FBXL17: variants seen among roughly 807,000 people sequenced by gnomAD.
FBXL17 encodes F-box and leucine rich repeat protein 17, also known as F-box/LRR-repeat protein 17.
In FBXL17, 22 loss-of-function variants were observed where a neutral mutation model predicts 66.2. That is an observed-to-expected ratio of 0.33 (90% confidence interval 0.24 to 0.47). FBXL17 has a LOEUF of 0.47. FBXL17 is among the 20% of genes least tolerant of loss of function. The pLI, the probability that FBXL17 is intolerant of heterozygous loss-of-function variation, is 1.00. For missense variants in FBXL17, 878 were observed against 948.2 expected (o/e 0.93, Z 0.97); for synonymous variants, 474 against 400.5 (o/e 1.18, Z -2.19).
intron 4 of FBXL17, among the ~76,000 whole-genome samples, chr5:108,303,393 C>CACACACAT (rs1758684427): frequency 6.7e-6 from 1 of 149,208 alleles, no homozygotes; most frequent in Non-Finnish European, 1.5e-5. Context: ...CACACACACA[C>CACACACAT]ACATACCCAC....
chr5:107,948,595 T>A (rs766525469), intron 7 of FBXL17, among the ~76,000 whole-genome samples: 1 of 152,198 alleles, frequency 6.6e-6, no homozygotes, highest in Non-Finnish European at 1.5e-5. Context: ...TCTTTTCAAA[T>A]CCATAAACCT....
chr5:108,121,486 G>T (rs1409008151), intron 6 of FBXL17, among the ~76,000 whole-genome samples: 1 of 152,094 alleles, frequency 6.6e-6, no homozygotes, highest in Non-Finnish European at 1.5e-5. Context: ...ATGAGTCCAT[G>T]CATATTTTAA....
At chr5:108,019,929 G>GCA (rs1216190071) in intron 7 of FBXL17, among the ~76,000 whole-genome samples, 6 of 143,254 alleles carry the variant, frequency 4.2e-5, no homozygotes, top group Non-Finnish European at 9.3e-5. Context: ...GTTTCTAAAT[G>GCA]TAAAAAAAAA....
intron 4 of FBXL17, among the ~76,000 whole-genome samples, chr5:108,256,105 G>GT (rs1756566729): frequency 1.3e-5 from 2 of 152,266 alleles, no homozygotes; most frequent in South Asian, 4.1e-4. Context: ...CTCCTGGCAG[G>GT]TATTACATAG....
intron 7 of FBXL17, among the ~76,000 whole-genome samples, chr5:107,922,979 C>A (rs1332496485): frequency 6.6e-6 from 1 of 152,186 alleles, no homozygotes; most frequent in Admixed American, 6.5e-5. Context: ...GTGCCTAAAG[C>A]ACTTCCTACC....
chr5:108,322,242 T>C (rs1488597938), intron 4 of FBXL17, among the ~76,000 whole-genome samples: 1 of 151,912 alleles, frequency 6.6e-6, no homozygotes, highest in East Asian at 1.9e-4. Context: ...TATTTATAAA[T>C]GACATAATTT....
At chr5:108,186,830 C>G (rs1162841159) in intron 5 of FBXL17, among the ~76,000 whole-genome samples, 1 of 151,400 alleles carries the variant, frequency 6.6e-6, no homozygotes, top group East Asian at 1.9e-4. Context: ...ATCAAGTTAG[C>G]AATCTATTGT....
chr5:108,346,085 T>A (rs1747260635), intron 4 of FBXL17, among the ~76,000 whole-genome samples: 1 of 152,136 alleles, frequency 6.6e-6, no homozygotes, highest in African/African-American at 2.4e-5. Context: ...GGTGTCAAAG[T>A]AAAAACATCC....
Position 107,935,740 on chromosome 5 carries a change from A to T in FBXL17, c.1823-54561T>A, listed in dbSNP as rs556154844. On this transcript the variant is annotated intron_variant, in intron 7 of 8. Transcript: ENST00000542267. ...AGCCAAACAGAAGTGTTAGGTAACA[A>T]GTCTGAATAGAAATGCCAGCACCAG... 4.6e-5 allele frequency among the ~76,000 whole-genome samples: 7 copies of T among 152,252 alleles called. No individual in the cohort carries two copies. The East Asian group carries it at 1.4e-3, about 29-fold the overall frequency.
rs377079268 is a variant in FBXL17 at position 107,984,123 on chromosome 5, T to C, written c.1822+36802A>G. On this transcript the variant is annotated intron_variant, in intron 7 of 8. Transcript: ENST00000542267. The stretch of plus-strand genomic sequence containing the variant: ...CAAGCTCGGCCTTGGGGATTTCTAC[T>C]GGTAAGGTTTTTTATTCTCAGCTTT... Among the ~76,000 whole-genome samples, 107 of 152,294 alleles carry C rather than the reference T, an allele frequency of 7.0e-4. 1 individual carries two copies. The South Asian group carries it at 0.021, about 30-fold the overall frequency.
intron 6 of FBXL17, among the ~76,000 whole-genome samples, chr5:108,112,882 T>C (rs971498372): frequency 1.6e-5 from 2 of 121,948 alleles, no homozygotes; most frequent in African/African-American, 2.6e-5. Context: ...TCTGATATTT[T>C]AACTGTAAAA....
chr5:107,927,028 T>C (rs114406589), intron 7 of FBXL17, among the ~76,000 whole-genome samples: 2,413 of 152,122 alleles, frequency 0.016, 67 homozygotes, highest in African/African-American at 0.055. Context: ...TGAGCAAGTT[T>C]TTAGAAAAAA....
chr5:108,181,612 C>T (rs1216232174), intron 6 of FBXL17, among the ~76,000 whole-genome samples: 6 of 151,970 alleles, frequency 3.9e-5, no homozygotes, highest in Non-Finnish European at 8.8e-5. Flanking sequence ...TTAAAACCTA[C>T]GATAAATGTT....
chr5:107,875,093 TTC>T (rs371602965), intron 8 of FBXL17, among the ~76,000 whole-genome samples: 2 of 150,240 alleles, frequency 1.3e-5, no homozygotes, highest in Non-Finnish European at 2.9e-5. Flanking sequence ...TTTTCTTTCT[TTC>T]TCTCTCTCTC....
intron 6 of FBXL17, among the ~76,000 whole-genome samples, chr5:108,184,585 G>A (rs1199580390): frequency 1.3e-5 from 2 of 151,578 alleles, no homozygotes; most frequent in African/African-American, 4.8e-5. Flanking sequence ...GGGATTACAA[G>A]TGTGAGCCAC....
At chr5:107,984,778 C>A (rs1244628623) in intron 7 of FBXL17, among the ~76,000 whole-genome samples, 1 of 152,116 alleles carries the variant, frequency 6.6e-6, no homozygotes, top group Non-Finnish European at 1.5e-5. Flanking sequence ...TTGAGAAATA[C>A]TATTAAATAC....
intron 6 of FBXL17, among the ~76,000 whole-genome samples, chr5:108,156,267 A>C (rs969720675): frequency 6.7e-6 from 1 of 150,304 alleles, no homozygotes; most frequent in Non-Finnish European, 1.5e-5. Context: ...GCACAGTGTC[A>C]GAATATATTA....
chr5:108,143,599 T>G (rs1751444184), intron 6 of FBXL17, among the ~76,000 whole-genome samples: 1 of 151,990 alleles, frequency 6.6e-6, no homozygotes, highest in Non-Finnish European at 1.5e-5. Flanking sequence ...CATATGAATA[T>G]TTAAGTATAT....
intron 6 of FBXL17, among the ~76,000 whole-genome samples, chr5:108,130,436 T>C (rs1281465287): frequency 1.3e-5 from 2 of 152,022 alleles, no homozygotes; most frequent in East Asian, 1.9e-4. Flanking sequence ...AATAGAATGA[T>C]TACTACGCCT....
Sources: gnomAD v4.1 joint callset for allele counts (sites outside exome capture counted in the v4.1 genomes callset) on GRCh38, gnomAD v4.1.1 for gene constraint, MANE v1.5 for transcripts, NCBI Gene and HGNC (gene_info 2026-07-23, HGNC 2026-07-21) for gene names.